The following TMEM232 variants were observed in gnomAD, a reference collection of about 807,000 sequenced individuals.
TMEM232 encodes the protein transmembrane protein 232.
Under a neutral mutation model 78.8 loss-of-function variants are expected in TMEM232, and 80 were observed. The observed-to-expected ratio is 1.01, with a 90% CI of 0.85 to 1.22. The LOEUF is 1.22. Among genes scored for constraint, TMEM232 ranks in the 50% most tolerant of loss-of-function variants. The pLI, the probability that TMEM232 is intolerant of heterozygous loss-of-function variation, is 0.00. For missense variants in TMEM232, 881 were observed against 742.2 expected (o/e 1.19, Z -2.17); for synonymous variants, 297 against 254.3 (o/e 1.17, Z -1.60).
At chr5:110,405,035 A>G (rs1052754170) in intron 2 of TMEM232, among the ~76,000 whole-genome samples, 2 of 152,166 alleles carry the variant, frequency 1.3e-5, no homozygotes, top group African/African-American at 2.4e-5. Context: ...TGATAAACAG[A>G]AAGAAATAAC....
chr5:110,505,617 A>T (rs1766791398), intron 12 of TMEM232, among the ~76,000 whole-genome samples: 1 of 152,002 alleles, frequency 6.6e-6, no homozygotes, highest in Non-Finnish European at 1.5e-5. Flanking sequence ...AGCAATTCTC[A>T]TGCCTCAGCC....
At chr5:110,695,300 G>T (rs1322690401) in intron 1 of TMEM232, among the ~76,000 whole-genome samples, 1 of 152,210 alleles carries the variant, frequency 6.6e-6, no homozygotes, top group Non-Finnish European at 1.5e-5. Flanking sequence ...CGCATTCAAA[G>T]CAGTGTGTAG....
chr5:110,503,895 T>C (rs1373885359), intron 12 of TMEM232, among the ~76,000 whole-genome samples: 1 of 152,202 alleles, frequency 6.6e-6, no homozygotes, highest in Non-Finnish European at 1.5e-5. Flanking sequence ...GACTTTTCTG[T>C]CCCCAAGGAT....
intron 13 of TMEM232, 66 bp downstream of exon 13, chr5:110,424,757 T>G: frequency 7.9e-7 from 1 of 1,266,674 alleles, no homozygotes; most frequent in Non-Finnish European, 1.1e-6. Flanking sequence ...AGAACTACAT[T>G]TTATCATTTA....
chr5:110,533,609 C>T (rs925154234), intron 11 of TMEM232, among the ~76,000 whole-genome samples: 2 of 152,178 alleles, frequency 1.3e-5, no homozygotes, highest in Non-Finnish European at 1.5e-5. Flanking sequence ...ATACTTTCTG[C>T]TCCCCGGCTC....
intron 12 of TMEM232, among the ~76,000 whole-genome samples, chr5:110,507,522 T>C (rs887621153): frequency 6.6e-6 from 1 of 152,188 alleles, no homozygotes; most frequent in Non-Finnish European, 1.5e-5. Flanking sequence ...GAAGCAAATA[T>C]GCAGAATATG....
Position 110,422,177 on chromosome 5 carries a change from C to A in TMEM232, c.1798-1421G>T, listed in dbSNP as rs181615201. Among the ~76,000 whole-genome samples the A allele has an allele frequency of 1.1e-4, 17 of 152,146 alleles. No homozygotes were observed. The East Asian group carries it at 3.1e-3, about 28-fold the overall frequency. ...ATAGTTGGTATAATAATGACAGTATCTATAAACAAAGAGCACTAATCTATC... is the reference window on the plus strand; with the variant it reads ...ATAGTTGGTATAATAATGACAGTATATATAAACAAAGAGCACTAATCTATC... On this transcript the variant is annotated intron_variant, in intron 13 of 13. Transcript: ENST00000455884.
intron 11 of TMEM232, among the ~76,000 whole-genome samples, chr5:110,542,279 G>T (rs1416415099): frequency 6.6e-6 from 1 of 152,138 alleles, no homozygotes; most frequent in Non-Finnish European, 1.5e-5. Context: ...GCCTTTTCCA[G>T]ATGGATGGAA....
At chr5:110,449,515 G>C (rs1324141671) in intron 12 of TMEM232, among the ~76,000 whole-genome samples, 5 of 150,218 alleles carry the variant, frequency 3.3e-5, no homozygotes, top group African/African-American at 1.2e-4. Context: ...TTCTCTATTT[G>C]CTGAGACTTT....
At chr5:110,704,949 A>G (rs1465712500) in intron 1 of TMEM232, among the ~76,000 whole-genome samples, 1 of 152,020 alleles carries the variant, frequency 6.6e-6, no homozygotes, top group Non-Finnish European at 1.5e-5. Context: ...TTGTGACTGG[A>G]GGTCTATGAA....
Position 110,690,289 on chromosome 5 carries a change from A to G in TMEM232, c.-12-22925T>C, listed in dbSNP as rs1019370192. 6.6e-5 allele frequency among the ~76,000 whole-genome samples: 10 copies of G among 152,214 alleles called. No homozygotes were observed. In the South Asian group the frequency reaches 8.3e-4, roughly 13 times the overall value. ...TAAAATGAATTTAAACAAATTTACAAGAAATAAACAACCCCTTCAAAAAGT... is the reference window on the plus strand; with the variant it reads ...TAAAATGAATTTAAACAAATTTACAGGAAATAAACAACCCCTTCAAAAAGT... On this transcript the variant is annotated intron_variant, in intron 1 of 13. Transcript: ENST00000455884.
Position 110,618,512 on chromosome 5 carries a change from A to C in TMEM232, c.819T>G (p.Ser273=). Residue 273 remains serine (S), a synonymous_variant, in exon 8 of 14, where the codon TCT becomes TCG. Coordinates refer to ENST00000455884, the MANE Select transcript of TMEM232 (RefSeq NM_001039763.4). ...ACTGAGGACTGTTATTCTGAACACA[A>C]GACCAAGCAGCAACACAGTGCCAGA... ...HLLWHCVAAW[S]CVQNNSPQLN... is the part of the protein sequence containing the mutation. 1 of 1,551,744 alleles carries C rather than the reference A, an allele frequency of 6.4e-7. No individual in the cohort carries two copies. Among genetic ancestry groups the C allele is most frequent in the Non-Finnish European group, 8.7e-7 (1 of 1,146,882 alleles).
chr5:110,449,520 G>A (rs1760033589), intron 12 of TMEM232, among the ~76,000 whole-genome samples: 1 of 149,428 alleles, frequency 6.7e-6, no homozygotes, highest in East Asian at 2.0e-4. Context: ...TATTTGCTGA[G>A]ACTTTTTTTT....
chr5:110,696,223 T>C (rs1014738099), intron 1 of TMEM232, among the ~76,000 whole-genome samples: 2 of 152,340 alleles, frequency 1.3e-5, no homozygotes, highest in Non-Finnish European at 2.9e-5. Flanking sequence ...TCTCAATAGA[T>C]GCAGAAAAGG....
chr5:110,589,667 G>A (rs946005751), intron 10 of TMEM232, among the ~76,000 whole-genome samples: 4 of 152,052 alleles, frequency 2.6e-5, no homozygotes, highest in African/African-American at 9.7e-5. Flanking sequence ...GGGATAATAT[G>A]AGTATCTGTG....
intron 1 of TMEM232, among the ~76,000 whole-genome samples, chr5:110,677,094 T>C (rs1792121431): frequency 6.6e-6 from 1 of 152,172 alleles, no homozygotes; most frequent in Non-Finnish European, 1.5e-5. Flanking sequence ...CTAACAGTTA[T>C]AAGGTGATAT....
At chr5:110,596,595 C>T (rs1031861039) in intron 10 of TMEM232, among the ~76,000 whole-genome samples, 1 of 152,286 alleles carries the variant, frequency 6.6e-6, no homozygotes, top group East Asian at 1.9e-4. Context: ...CCTTGATGAA[C>T]ATTCATGCAA....
At chr5:110,456,604 A>G (rs1269719097) in intron 12 of TMEM232, among the ~76,000 whole-genome samples, 1 of 152,158 alleles carries the variant, frequency 6.6e-6, no homozygotes, top group African/African-American at 2.4e-5. Context: ...TAAAAAATAA[A>G]AATACTATCT....
At chr5:110,693,994 C>G (rs1011288525) in intron 1 of TMEM232, among the ~76,000 whole-genome samples, 6 of 152,042 alleles carry the variant, frequency 3.9e-5, no homozygotes, top group Admixed American at 1.3e-4. Flanking sequence ...CTCCAAGACA[C>G]ATTATTGTCA....
Sources: gnomAD v4.1 joint callset for allele counts (sites outside exome capture counted in the v4.1 genomes callset) on GRCh38, gnomAD v4.1.1 for gene constraint, MANE v1.5 for transcripts, NCBI Gene and HGNC (gene_info 2026-07-23, HGNC 2026-07-21) for gene names.